The following MOV10 variants were observed in gnomAD, a reference collection of about 807,000 sequenced individuals.
MOV10 encodes Mov10 RNA helicase.
MOV10 carries 39 observed loss-of-function variants against 108.4 expected under a neutral mutation model. That is an observed-to-expected ratio of 0.36 (90% confidence interval 0.28 to 0.47). The LOEUF (loss-of-function observed/expected upper bound fraction) is 0.47. MOV10 is among the 20% of genes least tolerant of loss of function. The pLI, the probability that MOV10 is intolerant of heterozygous loss-of-function variation, is 1.00. For synonymous variants in MOV10, 490 were observed against 523.1 expected (o/e 0.94, Z 0.86); for missense variants, 952 against 1,297.6 (o/e 0.73, Z 4.09).
intron 2 of MOV10, among the ~76,000 whole-genome samples, chr1:112,676,475 GAC>G (rs1672207042): frequency 6.6e-6 from 1 of 152,196 alleles, no homozygotes; most frequent in Non-Finnish European, 1.5e-5. Context: ...CAGTAAGGCT[GAC>G]TTGACTCAAG....
intron 5 of MOV10, among the ~76,000 whole-genome samples, chr1:112,690,917 A>T (rs997123622): frequency 6.6e-6 from 1 of 152,146 alleles, no homozygotes; most frequent in African/African-American, 2.4e-5. Context: ...CTTCATATGG[A>T]TGGAAGCGTA....
rs1318988871 is a variant in MOV10, at chr1:112,689,629, T to A, written c.556T>A (p.Leu186Met). The A allele has an allele frequency of 6.2e-7, 1 of 1,614,094 alleles. No homozygotes were observed. Among genetic ancestry groups the A allele is most frequent in the Non-Finnish European group, 8.5e-7 (1 of 1,180,008 alleles). Residue 186 changes from leucine to methionine, a missense_variant, in exon 4 of 21, where the codon TTG (leucine) becomes ATG (methionine). Around this residue, in one of 5 missense-constraint regions of MOV10, gnomAD observed 374 missense variants for 468.6 expected, o/e 0.80. Transcript: ENST00000369645. ...QFAFYNEDQE[L>M]PCPLGPGECY... is the part of the protein sequence containing the mutation. ...TGCTTTCTACAATGAAGACCAGGAGTTGCCCTGTCCACTGGGCCCCGGTGA... is the reference window on the plus strand; with the variant it reads ...TGCTTTCTACAATGAAGACCAGGAGATGCCCTGTCCACTGGGCCCCGGTGA...
intron 2 of MOV10, among the ~76,000 whole-genome samples, chr1:112,687,703 C>T (rs1364185153): frequency 1.3e-5 from 2 of 152,166 alleles, no homozygotes; most frequent in East Asian, 3.9e-4. Flanking sequence ...CTAATCATGG[C>T]TCACCCTTAC....
At position 112,697,952 on chromosome 1, in the gene MOV10, A is replaced by C. The variant is rs375519878; in HGVS notation, c.2199-42A>C. 3.9e-6 allele frequency: 6 copies of C among 1,539,682 alleles called. No homozygotes were observed. In the African/African-American group the frequency reaches 8.2e-5, roughly 21 times the overall value. ...AGCGGAGCCCCTGTAGGGCAGAGGG[A>C]ATCTGACCCTTGGTCTTGCTTTTCC... On this transcript the variant is annotated intron_variant, in intron 14 of 20. Transcript: ENST00000369645.
At chr1:112,688,439 C>T in intron 2 of MOV10, 1 of 999,502 alleles carries the variant, frequency 1.0e-6, no homozygotes, top group African/African-American at 1.7e-5. Context: ...AGCCACCTTG[C>T]CCACACACTT....
At position 112,686,149 on chromosome 1, in the gene MOV10, T is replaced by A. The variant is rs150508548; in HGVS notation, c.138-2786T>A. On this transcript the variant is annotated intron_variant, in intron 2 of 20. Coordinates refer to ENST00000369645, the MANE Select transcript of MOV10 (RefSeq NM_001321324.2). ...ATCTGGGAGCCTGGAGCCACTTTTCTTGGAGGTTGCACTTTGTTTTCTTAG... is the reference window on the plus strand; with the variant it reads ...ATCTGGGAGCCTGGAGCCACTTTTCATGGAGGTTGCACTTTGTTTTCTTAG... Among the ~76,000 whole-genome samples the A allele has an allele frequency of 4.1e-3, 618 of 152,296 alleles. 2 individuals carry two copies. Among genetic ancestry groups the A allele is most frequent in the African/African-American group, 0.014 (596 of 41,548 alleles).
In MOV10 at chr1:112,696,128, G is replaced by A. The variant is rs1184314594; in HGVS notation, c.1780-20G>A. On this transcript the variant is annotated intron_variant, in intron 11 of 20. Transcript: ENST00000369645. ...TGAGTGGAGCCAAGCTGATTCCTCTGGTCCCTTCACAATCCACAGCCCTGC... is the reference window on the plus strand; with the variant it reads ...TGAGTGGAGCCAAGCTGATTCCTCTAGTCCCTTCACAATCCACAGCCCTGC... The A allele has an allele frequency of 4.5e-6, 7 of 1,556,668 alleles. No homozygotes were observed. The highest frequency in any genetic ancestry group is 4.1e-5 in the African/African-American group (3 of 73,776).
chr1:112,685,810 A>G (rs145144644), intron 2 of MOV10, among the ~76,000 whole-genome samples: 140 of 152,328 alleles, frequency 9.2e-4, no homozygotes, highest in African/African-American at 3.1e-3. Context: ...ACCTAGACCA[A>G]TGTTAGGTGA....
At chr1:112,691,872 C>A in intron 6 of MOV10, 73 bp downstream of exon 6, 1 of 1,521,914 alleles carries the variant, frequency 6.6e-7, no homozygotes, top group Non-Finnish European at 9.0e-7. Flanking sequence ...GCCCTGGCAC[C>A]TCCGTCCTCA....
chr1:112,698,764 G>A lies in MOV10; in HGVS notation c.2558G>A (p.Gly853Glu), dbSNP rs573626187. ...ACCAAACTTGACAGGGAGCTTCGAG[G>A]ACTGGATGACATCAAGGACTTGAAG... is the stretch of plus-strand genomic sequence containing the variant. The part of the protein sequence containing the change: ...CITKLDRELR[G>E]LDDIKDLKVG... The change falls in exon 17 of 21, where the codon GGA becomes GAA. Residue 853 changes from glycine to glutamate, a missense_variant. Around this residue, in one of 5 missense-constraint regions of MOV10, gnomAD observed 453 missense variants for 611.5 expected, o/e 0.74. Coordinates refer to ENST00000369645, the MANE Select transcript of MOV10 (RefSeq NM_001321324.2). The A allele has an allele frequency of 1.4e-4, 234 of 1,614,132 alleles. 1 individual carries two copies. The South Asian group carries it at 2.4e-3, about 16-fold the overall frequency.
intron 2 of MOV10, among the ~76,000 whole-genome samples, chr1:112,676,739 C>A (rs919417663): frequency 1.3e-5 from 2 of 152,166 alleles, no homozygotes; most frequent in African/African-American, 4.8e-5. Context: ...CAAGCGTGGT[C>A]ATGCATCAAG....
chr1:112,692,612 C>T (rs1673682128), intron 6 of MOV10, 149 bp from the exon 7 acceptor site: 1 of 1,142,914 alleles, frequency 8.7e-7, no homozygotes, highest in African/African-American at 1.6e-5. Context: ...CTCTGACTCT[C>T]ATCCACTTCT....
chr1:112,675,174 G>A lies in MOV10; in HGVS notation c.137+125G>A. The A allele has an allele frequency of 1.2e-5, 14 of 1,136,866 alleles. No individual in the cohort carries two copies. In the South Asian group the frequency reaches 2.2e-4, roughly 18 times the overall value. 70.4% of individuals were successfully genotyped at this position (1,136,866 alleles called of 1,614,324 possible). ...GCAGCTCCCCCAGCGGCTCAGGCCA[G>A]TCCCGGGGCGGCGCAGACCTCCCCT... On this transcript the variant is annotated intron_variant, in intron 2 of 20. Coordinates refer to ENST00000369645, the MANE Select transcript of MOV10 (RefSeq NM_001321324.2). The surrounding 1 kb of genome is among the most constrained non-coding windows in gnomAD (Gnocchi z 4.7).
In MOV10 at chr1:112,675,674, C is replaced by T. The variant is rs1287170330; in HGVS notation, c.137+625C>T. Among the ~76,000 whole-genome samples the T allele has an allele frequency of 2.0e-5, 3 of 152,250 alleles. No individual in the cohort carries two copies. The highest frequency in any genetic ancestry group is 4.4e-5 in the Non-Finnish European group (3 of 68,040). On this transcript the variant is annotated intron_variant, in intron 2 of 20. Transcript: ENST00000369645. The surrounding 1 kb of genome is among the most constrained non-coding windows in gnomAD (Gnocchi z 4.7). ...ATGGAGACCCAGGGGCAGAGCCAGC[C>T]TTCTGGAGGCTCCCTTTCACCCTGT...
At chr1:112,697,164 A>T (rs1674179849) in intron 14 of MOV10, among the ~76,000 whole-genome samples, 1 of 152,122 alleles carries the variant, frequency 6.6e-6, no homozygotes, top group African/African-American at 2.4e-5. Context: ...GATAAGAAAA[A>T]TAGGGAGGAG....
At chr1:112,697,071 C>T (rs369171768) in intron 14 of MOV10, among the ~76,000 whole-genome samples, 4 of 152,290 alleles carry the variant, frequency 2.6e-5, no homozygotes, top group South Asian at 4.1e-4. Context: ...TTATCTGCAT[C>T]TTAGGGGGTG....
At position 112,700,615 on chromosome 1, in the gene MOV10, G is replaced by A. The variant is rs754611538; in HGVS notation, c.*108G>A. 1 of 1,553,140 alleles carries A rather than the reference G, an allele frequency of 6.4e-7. No individual in the cohort carries two copies. On this transcript the variant is annotated 3_prime_UTR_variant, in exon 21 of 21. Coordinates refer to ENST00000369645, the MANE Select transcript of MOV10 (RefSeq NM_001321324.2). ...TCCAAGGGACAGGAAGGCTGGGGGA[G>A]GGAGTTTACAACCCAAGCCATTCCA...
intron 14 of MOV10, among the ~76,000 whole-genome samples, chr1:112,697,165 T>C (rs373476752): frequency 2.6e-5 from 4 of 151,694 alleles, no homozygotes; most frequent in South Asian, 4.2e-4. Context: ...ATAAGAAAAA[T>C]AGGGAGGAGG....
In MOV10 at chr1:112,691,682, T is replaced by C. The variant is rs1673598315; in HGVS notation, c.854T>C (p.Leu285Pro). 1 of 1,614,000 alleles carries C rather than the reference T, an allele frequency of 6.2e-7. No individual in the cohort carries two copies. Among genetic ancestry groups the C allele is most frequent in the Non-Finnish European group, 8.5e-7 (1 of 1,180,022 alleles). ...TTCTGCAGCGCTAAGGGCTATGACC[T>C]GGAGTTAAGTATGGCGCTGGGGACA... ...ERPDRAKGYD[L>P]ELSMALGTYY... Residue 285 changes from leucine (L) to proline (P), a missense_variant, in exon 6 of 21, where the codon CTG becomes CCG. This residue lies in a region of MOV10 where 374 missense variants were observed against 468.6 expected (regional missense o/e 0.80). Coordinates refer to ENST00000369645, the MANE Select transcript of MOV10 (RefSeq NM_001321324.2).
Sources: gnomAD v4.1 joint callset for allele counts (sites outside exome capture counted in the v4.1 genomes callset) on GRCh38, gnomAD v4.1.1 for gene constraint, gnomAD v4.1.1 regional missense constraint, Gnocchi (gnomAD v3.1) non-coding constraint, MANE v1.5 for transcripts, NCBI Gene and HGNC (gene_info 2026-07-23, HGNC 2026-07-21) for gene names.